Variants in CASK observed in about 807,000 individuals in gnomAD.
CASK encodes calcium/calmodulin dependent serine protein kinase, also known as peripheral plasma membrane protein CASK.
In CASK, 4 loss-of-function variants were observed where a neutral mutation model predicts 82.9. The ratio of observed to expected loss-of-function variants is 0.05; its 90% CI spans 0.02 to 0.11. The LOEUF is 0.11. Among genes scored for constraint, CASK ranks in the 10% least tolerant of loss-of-function variants. The probability of loss-of-function intolerance (pLI) is 1.00; values close to 1 mark genes in which losing one functional copy is unlikely to be tolerated. For synonymous variants in CASK, 259 were observed against 253.5 expected (o/e 1.02, Z -0.20); for missense variants, 358 against 720.9 (o/e 0.50, Z 5.76).
At chrX:41,752,933 A>G (rs1393836014) in intron 3 of CASK, among the ~76,000 whole-genome samples, 1 of 112,291 alleles carries the variant, frequency 8.9e-6, no homozygotes, top group Non-Finnish European at 1.9e-5. Flanking sequence ...AAGGGAAATA[A>G]TTAGGAATAC....
intron 3 of CASK, chrX:41,786,752 A>T (rs902424242): frequency 1.9e-5 from 3 of 158,219 alleles, no homozygotes; most frequent in Non-Finnish European, 3.6e-5. Flanking sequence ...GATCTATAAA[A>T]TTGCCCTTAT....
At chrX:41,852,442 A>G (rs918053418) in intron 2 of CASK, among the ~76,000 whole-genome samples, 1 of 111,799 alleles carries the variant, frequency 8.9e-6, no homozygotes, top group African/African-American at 3.2e-5. Flanking sequence ...TATCATGATC[A>G]ATTGTGCCAT....
At chrX:41,795,717 G>A (rs2069838940) in intron 2 of CASK, among the ~76,000 whole-genome samples, 1 of 110,302 alleles carries the variant, frequency 9.1e-6, no homozygotes, top group Non-Finnish European at 1.9e-5. Context: ...AACTGACTTA[G>A]AAGCAAAGGC....
chrX:41,745,048 G>A (rs1212180017), intron 4 of CASK, among the ~76,000 whole-genome samples: 2 of 111,567 alleles, frequency 1.8e-5, no homozygotes, highest in South Asian at 3.8e-4. Flanking sequence ...ACTGAGTTTC[G>A]CTCTTGTTGC....
At chrX:41,721,728 G>A (rs780006922) in intron 5 of CASK, among the ~76,000 whole-genome samples, 10 of 111,482 alleles carry the variant, frequency 9.0e-5, no homozygotes, top group African/African-American at 3.3e-4. Context: ...ATTTCCTCCC[G>A]TGTAAAATGG....
chrX:41,790,156 A>T, intron 2 of CASK: 1 of 836,637 alleles, frequency 1.2e-6, no homozygotes, highest in Non-Finnish European at 1.5e-6. Context: ...ATCACAAATG[A>T]GGACTTTTTA....
chrX:41,873,930 A>T (rs1244941439), intron 1 of CASK, among the ~76,000 whole-genome samples: 1 of 108,251 alleles, frequency 9.2e-6, no homozygotes, highest in Non-Finnish European at 1.9e-5. Flanking sequence ...GGCTGGGTCT[A>T]TAGGCGCACA....
chrX:41,610,138 G>C (rs1198896948), intron 11 of CASK, 113 bp from the exon 12 acceptor site: 1 of 752,494 alleles, frequency 1.3e-6, no homozygotes, highest in Non-Finnish European at 2.0e-6. Flanking sequence ...GAACTTCAAA[G>C]GCTAGTGTCT....
At chrX:41,830,624 T>C (rs1366038983) in intron 2 of CASK, among the ~76,000 whole-genome samples, 4 of 107,269 alleles carry the variant, frequency 3.7e-5, no homozygotes, top group Non-Finnish European at 7.7e-5. Context: ...ATCGAGACCA[T>C]CCTGGCTAAC....
rs184448712 is a variant in CASK, at chrX:41,577,613, A to T, written c.1503+727T>A. 4.5e-5 allele frequency among the ~76,000 whole-genome samples: 5 copies of T among 111,630 alleles called. No individual in the cohort carries two copies. The Admixed American group carries it at 4.8e-4, about 11-fold the overall frequency. ...GCCATGGTGCCTTCTTTCCATTGGG[A>T]AACTATGATAAGAGCCTTTTTACTA... On this transcript the variant is annotated intron_variant, in intron 15 of 26. Coordinates refer to ENST00000378163, the MANE Select transcript of CASK (RefSeq NM_001367721.1).
intron 1 of CASK, among the ~76,000 whole-genome samples, chrX:41,908,063 T>A (rs6610626): frequency 3.6e-5 from 4 of 111,292 alleles, no homozygotes; most frequent in African/African-American, 1.3e-4. Flanking sequence ...CATGAACCGG[T>A]ACTGGTCAGC....
At chrX:41,689,964 T>G (rs1438531601) in intron 5 of CASK, 8 of 111,690 alleles carry the variant, frequency 7.2e-5, no homozygotes, top group African/African-American at 2.3e-4. Context: ...TACTCCTACA[T>G]GAGCCAGTTG....
At chrX:41,902,286 A>G (rs1268274887) in intron 1 of CASK, among the ~76,000 whole-genome samples, 1 of 112,032 alleles carries the variant, frequency 8.9e-6, no homozygotes, top group Non-Finnish European at 1.9e-5. Context: ...ATTCTCTTAC[A>G]GTTCTGATCA....
intron 5 of CASK, among the ~76,000 whole-genome samples, chrX:41,681,982 T>C (rs1336983288): frequency 9.6e-6 from 1 of 103,853 alleles, no homozygotes; most frequent in Non-Finnish European, 2.0e-5. Flanking sequence ...GCTTGATATG[T>C]ATTGTAGATT....
At chrX:41,750,462 T>C (rs1602568684) in intron 3 of CASK, among the ~76,000 whole-genome samples, 1 of 111,769 alleles carries the variant, frequency 8.9e-6, no homozygotes, top group Non-Finnish European at 1.9e-5. Context: ...AAGAACACAT[T>C]GTGAATTTTC....
rs192997742 is a variant in CASK at position 41,566,697 on chromosome X, A to G, written c.1582+2971T>C. Among the ~76,000 whole-genome samples the G allele has an allele frequency of 7.2e-5, 8 of 111,743 alleles. No individual in the cohort carries two copies. In the East Asian group the frequency reaches 8.4e-4, roughly 12 times the overall value. ...ATAGATTCAATGCCATCCCCATAAA[A>G]CTACCAATGACTTTCTTCACAGAAT... On this transcript the variant is annotated intron_variant, in intron 16 of 26. Transcript: ENST00000378163.
Position 41,861,077 on chromosome X carries a change from A to G in CASK, c.60-7850T>C, listed in dbSNP as rs73193145. On this transcript the variant is annotated intron_variant, in intron 1 of 26. Coordinates refer to ENST00000378163, the MANE Select transcript of CASK (RefSeq NM_001367721.1). ...TCTGTCACACCTTGATACTTCAGTG[A>G]AGTTTAGTAGACTTCACTTTAGATT... Among the ~76,000 whole-genome samples, 1,024 of 112,399 alleles carry G rather than the reference A, an allele frequency of 9.1e-3. 10 individuals carry two copies. The highest frequency in any genetic ancestry group is 0.015 in the Non-Finnish European group (821 of 53,267).
At position 41,569,544 on chromosome X, in the gene CASK, C is replaced by G. The variant is rs373230635; in HGVS notation, c.1582+124G>C. 32 of 505,057 alleles carry G rather than the reference C, an allele frequency of 6.3e-5. 1 individual carries two copies. Among genetic ancestry groups the G allele is most frequent in the African/African-American group, 3.3e-4 (14 of 42,095 alleles). The allele number at this position is 505,057 out of a possible 1,213,427, so 41.6% of individuals were successfully genotyped here. On this transcript the variant is annotated intron_variant, in intron 16 of 26. Coordinates refer to ENST00000378163, the MANE Select transcript of CASK (RefSeq NM_001367721.1). ...ATTGCTTGCACTTAGGAGCTCAAGACCAGTCTGGGCAACATAGTGAGAGAC... is the reference window on the plus strand; with the variant it reads ...ATTGCTTGCACTTAGGAGCTCAAGAGCAGTCTGGGCAACATAGTGAGAGAC...
chrX:41,623,158 T>C (rs982394300), intron 10 of CASK, among the ~76,000 whole-genome samples: 5 of 111,184 alleles, frequency 4.5e-5, no homozygotes, highest in African/African-American at 1.6e-4. Flanking sequence ...CCTCCCAAAG[T>C]ACTGGGATTA....
Sources: allele counts gnomAD v4.1 joint callset (sites outside exome capture counted in the v4.1 genomes callset), GRCh38; gene constraint gnomAD v4.1.1; transcripts MANE v1.5; gene names NCBI Gene and HGNC (gene_info 2026-07-23, HGNC 2026-07-21).